RBFOX2: variants seen among roughly 807,000 people sequenced by gnomAD.
RBFOX2 encodes RNA binding protein fox-1 homolog 2.
A neutral mutation model predicts 49.1 loss-of-function variants in RBFOX2; 10 were observed. The observed-to-expected ratio is 0.20, with a 90% CI of 0.13 to 0.35. The LOEUF (loss-of-function observed/expected upper bound fraction) is 0.35. Among genes scored for constraint, RBFOX2 ranks in the 10% least tolerant of loss-of-function variants. The pLI, the probability that RBFOX2 is intolerant of heterozygous loss-of-function variation, is 1.00. For synonymous variants in RBFOX2, 183 were observed against 187.4 expected (o/e 0.98, Z 0.19); for missense variants, 323 against 486.9 (o/e 0.66, Z 3.17).
intron 8 of RBFOX2, among the ~76,000 whole-genome samples, chr22:35,760,621 C>T (rs1339455566): frequency 6.6e-6 from 1 of 152,154 alleles, no homozygotes; most frequent in Non-Finnish European, 1.5e-5. Flanking sequence ...CTACCCTGTC[C>T]TTTAAAGAGG....
intron 1 of RBFOX2, among the ~76,000 whole-genome samples, chr22:35,990,741 C>T (rs1043693081): frequency 2.6e-5 from 4 of 152,120 alleles, no homozygotes; most frequent in Admixed American, 2.6e-4. Flanking sequence ...AGAAAGCCCA[C>T]AATCCAAGAG....
chr22:35,784,670 T>C (rs1422531209), intron 2 of RBFOX2, among the ~76,000 whole-genome samples: 1 of 152,230 alleles, frequency 6.6e-6, no homozygotes, highest in Non-Finnish European at 1.5e-5. Context: ...ATCCTCCTTG[T>C]GGTTTTAGAA....
intron 1 of RBFOX2, among the ~76,000 whole-genome samples, chr22:35,896,347 A>C (rs1056882276): frequency 6.6e-6 from 1 of 152,202 alleles, no homozygotes; most frequent in Non-Finnish European, 1.5e-5. Flanking sequence ...GTTTTGAGGA[A>C]TATTCCACTC....
chr22:35,943,862 G>T (rs1480804535), upstream of RBFOX2, among the ~76,000 whole-genome samples: 3 of 152,190 alleles, frequency 2.0e-5, no homozygotes, highest in Non-Finnish European at 2.9e-5. Flanking sequence ...CCGAGATCGC[G>T]CCACTGCACT....
At chr22:35,873,804 G>A (rs1235538772) in intron 1 of RBFOX2, among the ~76,000 whole-genome samples, 3 of 152,134 alleles carry the variant, frequency 2.0e-5, no homozygotes, top group Non-Finnish European at 4.4e-5. Flanking sequence ...AGTCTCTCAT[G>A]TAGCTGGGAT....
chr22:35,843,242 G>A (rs541001293), upstream of RBFOX2, among the ~76,000 whole-genome samples: 6 of 152,270 alleles, frequency 3.9e-5, no homozygotes, highest in African/African-American at 1.4e-4. Context: ...TGTGTGTTTG[G>A]GAGGAGAGAG....
chr22:35,741,544 A>T (rs544372078), exon 12 of RBFOX2: 1 of 152,730 alleles, frequency 6.5e-6, no homozygotes, highest in South Asian at 2.1e-4. Flanking sequence ...AGATGCTTGC[A>T]AGAGCCCCAA....
intron 1 of RBFOX2, among the ~76,000 whole-genome samples, chr22:35,933,829 C>T (rs1417967100): frequency 1.3e-5 from 2 of 151,470 alleles, no homozygotes; most frequent in Non-Finnish European, 2.9e-5. Context: ...CCTTTCTTCT[C>T]CCAGTAGCTG....
At chr22:35,915,486 T>C (rs762006607) in intron 1 of RBFOX2, among the ~76,000 whole-genome samples, 2 of 152,260 alleles carry the variant, frequency 1.3e-5, no homozygotes, top group Non-Finnish European at 2.9e-5. Flanking sequence ...TTTTGTTTTA[T>C]GCAGAGAATC....
exon 12 of RBFOX2, chr22:35,741,210 G>A (rs1929787092): frequency 6.6e-6 from 1 of 152,244 alleles, no homozygotes; most frequent in South Asian, 2.1e-4. Context: ...GGGACATGGA[G>A]ATAAAGGTGT....
chr22:35,932,649 G>A (rs1052822219), intron 1 of RBFOX2, among the ~76,000 whole-genome samples: 95 of 152,190 alleles, frequency 6.2e-4, no homozygotes, highest in African/African-American at 2.1e-3. Context: ...GGGAGGCTGA[G>A]GTGAGCAGAT....
At chr22:36,028,489 C>T (rs2059537582) in exon 1 of RBFOX2, 2 of 1,106,142 alleles carry the variant, frequency 1.8e-6, no homozygotes, top group East Asian at 5.1e-5. Flanking sequence ...CCCCCTGGGC[C>T]TCGGCCCCGA....
exon 12 of RBFOX2, chr22:35,742,315 G>A (rs1177505392): frequency 6.6e-6 from 1 of 152,398 alleles, no homozygotes; most frequent in Non-Finnish European, 1.5e-5. Context: ...GTTACGAGGC[G>A]AGACAGGATT....
intron 1 of RBFOX2, chr22:35,898,320 G>C: frequency 1.4e-6 from 1 of 720,536 alleles, no homozygotes; most frequent in Non-Finnish European, 2.6e-6. Context: ...AGTGGGCTGT[G>C]ACACACGGAT....
rs568484824 is a variant in RBFOX2, at chr22:36,028,471, G to A, written c.-46C>T. On this transcript the variant is annotated 5_prime_UTR_variant, in exon 1 of 14. Coordinates refer to the RBFOX2 transcript ENST00000438146. The stretch of plus-strand genomic sequence containing the variant: ...TCCGGGAGCCGGGCGACCCGCGACA[G>A]GCCACCTCCCCCTGGGCCTCGGCCC... 5,203 of 1,150,272 alleles carry A rather than the reference G, an allele frequency of 4.5e-3. 32 individuals are homozygous for A. Among genetic ancestry groups the A allele is most frequent in the Non-Finnish European group, 4.7e-3 (4,441 of 937,072 alleles). 71.3% of individuals were successfully genotyped at this position (1,150,272 alleles called of 1,614,324 possible). A position where few individuals can be genotyped will look rare whatever the true frequency, so the allele number is the denominator to read the frequency against.
chr22:35,810,486 T>G (rs577732719), intron 1 of RBFOX2, among the ~76,000 whole-genome samples: 2 of 151,622 alleles, frequency 1.3e-5, no homozygotes, highest in African/African-American at 4.8e-5. Context: ...CAGAGTGGGT[T>G]AACCAAGTTG....
intron 1 of RBFOX2, chr22:35,994,951 G>A (rs958590595): frequency 6.6e-6 from 1 of 151,850 alleles, no homozygotes; most frequent in African/African-American, 2.4e-5. Flanking sequence ...GCCCAGGGAG[G>A]CAAAAGTAAA....
intron 3 of RBFOX2, 62 bp downstream of exon 4, chr22:35,781,538 A>G: frequency 6.4e-7 from 1 of 1,550,730 alleles, no homozygotes; most frequent in South Asian, 1.2e-5. Context: ...GACTAATAAC[A>G]CATCTGGGGG....
At chr22:35,982,746 T>C (rs1252175537) in intron 1 of RBFOX2, among the ~76,000 whole-genome samples, 1 of 151,566 alleles carries the variant, frequency 6.6e-6, no homozygotes, top group Non-Finnish European at 1.5e-5. Context: ...TCTGATAGAG[T>C]GTTTTAGAAC....
Sources: allele counts gnomAD v4.1 joint callset (sites outside exome capture counted in the v4.1 genomes callset), GRCh38; gene constraint gnomAD v4.1.1; transcripts MANE v1.5; gene names NCBI Gene and HGNC (gene_info 2026-07-23, HGNC 2026-07-21).